ANKRD11: variants seen among roughly 807,000 people sequenced by gnomAD.
The protein encoded by ANKRD11 is ankyrin repeat domain-containing protein 11.
In ANKRD11, 17 loss-of-function variants were observed where a neutral mutation model predicts 195.7. The observed-to-expected ratio is 0.09, with a 90% confidence interval of 0.06 to 0.13. ANKRD11 has a LOEUF of 0.13. ANKRD11 is among the 10% of genes least tolerant of loss of function. The probability of loss-of-function intolerance (pLI) is 1.00; values close to 1 mark genes in which losing one functional copy is unlikely to be tolerated. For synonymous variants in ANKRD11, 1,953 were observed against 1,528.1 expected, an observed-to-expected ratio of 1.28 and a Z score of -6.49; for missense variants, 3,735 against 3,566.1, an observed-to-expected ratio of 1.05 and a Z score of -1.21.
At chr16:89,323,514 G>C (rs2037483145) in intron 2 of ANKRD11, among the ~76,000 whole-genome samples, 1 of 109,362 alleles carries the variant, frequency 9.1e-6, no homozygotes, top group African/African-American at 3.8e-5. Context: ...CAGGGCAGGG[G>C]GGCTGAGCCG....
intron 2 of ANKRD11, among the ~76,000 whole-genome samples, chr16:89,380,167 C>T (rs1353332539): frequency 3.3e-5 from 5 of 152,112 alleles, no homozygotes; most frequent in East Asian, 1.9e-4. Context: ...GGCTGGAGAG[C>T]GATGGCGTGA....
rs113110683 is a variant in ANKRD11, at chr16:89,280,888, C to T, written c.5654G>A (p.Ser1885Asn). ...VTPSPEGVFSSLQAKPSPSPR... is the reference protein window; with the variant it reads ...VTPSPEGVFSNLQAKPSPSPR... ...GGAAGGGGAAGGTTTTGCTTGTAAACTTGAGAAGACGCCCTCTGGAGACGG... is the reference window on the plus strand; with the variant it reads ...GGAAGGGGAAGGTTTTGCTTGTAAATTTGAGAAGACGCCCTCTGGAGACGG... Residue 1885 changes from serine to asparagine, a missense_variant, in exon 9 of 13, where the codon AGT becomes AAT. Transcript: ENST00000301030. 5 of 1,604,044 alleles carry T rather than the reference C, an allele frequency of 3.1e-6. No individual in the cohort carries two copies. Among genetic ancestry groups the T allele is most frequent in the African/African-American group, 2.7e-5 (2 of 74,800 alleles).
At chr16:89,270,671 A>T in intron 12 of ANKRD11, 146 bp downstream of exon 12, 1 of 817,830 alleles carries the variant, frequency 1.2e-6, no homozygotes, top group Non-Finnish European at 2.0e-6. Flanking sequence ...CATCGGCCAG[A>T]TTAAGAGAAT....
chr16:89,313,395 G>A (rs2036728979), intron 3 of ANKRD11: 3 of 1,288,164 alleles, frequency 2.3e-6, no homozygotes, highest in Non-Finnish European at 1.0e-6. Flanking sequence ...GGGATTCCGT[G>A]GTCGGCAATG....
Position 89,475,170 on chromosome 16 carries a change from T to C in ANKRD11, c.-145+15075A>G, listed in dbSNP as rs138899229. On this transcript the variant is annotated intron_variant, in intron 1 of 12. Coordinates refer to ENST00000301030, the MANE Select transcript of ANKRD11 (RefSeq NM_013275.6). ...GGGGAGCTCTTGGGTCGTCAGTGGG[T>C]TGGAGAGATGGACTAACTCACAGGT... 4.8e-3 allele frequency among the ~76,000 whole-genome samples: 735 copies of C among 152,286 alleles called. 9 individuals are homozygous for C. Among genetic ancestry groups the C allele is most frequent in the African/African-American group, 0.017 (689 of 41,544 alleles).
chr16:89,399,708 C>T (rs1376973684), intron 2 of ANKRD11, among the ~76,000 whole-genome samples: 1 of 152,158 alleles, frequency 6.6e-6, no homozygotes, highest in African/African-American at 2.4e-5. Context: ...AACAAATGGC[C>T]GCTCTTGTGG....
intron 4 of ANKRD11, among the ~76,000 whole-genome samples, chr16:89,302,453 A>G (rs1191349615): frequency 6.6e-6 from 1 of 152,036 alleles, no homozygotes; most frequent in Non-Finnish European, 1.5e-5. Flanking sequence ...GGGTTTCTTC[A>G]TGTTGGTCAG....
chr16:89,460,166 A>T (rs2152330894), intron 1 of ANKRD11, among the ~76,000 whole-genome samples: 1 of 152,032 alleles, frequency 6.6e-6, no homozygotes, highest in African/African-American at 2.4e-5. Flanking sequence ...TGAACCTGGG[A>T]GGCCGAGATT....
chr16:89,278,985 C>G (rs145990864), intron 9 of ANKRD11, 87 bp downstream of exon 9: 1 of 1,563,010 alleles, frequency 6.4e-7, no homozygotes, highest in Non-Finnish European at 8.7e-7. Flanking sequence ...ATGAGTGGGA[C>G]AAGACGGGCT....
chr16:89,430,807 G>C (rs1170531493), intron 1 of ANKRD11, among the ~76,000 whole-genome samples: 1 of 152,192 alleles, frequency 6.6e-6, no homozygotes, highest in Non-Finnish European at 1.5e-5. Flanking sequence ...TCTTTCTTAA[G>C]ACAAAAGGGA....
chr16:89,346,250 GAA>G (rs35573539), intron 2 of ANKRD11, among the ~76,000 whole-genome samples: 16 of 96,874 alleles, frequency 1.7e-4, no homozygotes, highest in Admixed American at 2.5e-4. Flanking sequence ...CCCGTCTCAG[GAA>G]AAAAAAAAAA....
At chr16:89,459,640 A>C (rs1288609896) in intron 1 of ANKRD11, among the ~76,000 whole-genome samples, 1 of 152,200 alleles carries the variant, frequency 6.6e-6, no homozygotes, top group Non-Finnish European at 1.5e-5. Context: ...TTATCAAACA[A>C]CTGATCGTGT....
chr16:89,319,034 G>A (rs1324416888), intron 2 of ANKRD11, among the ~76,000 whole-genome samples: 3 of 152,240 alleles, frequency 2.0e-5, no homozygotes, highest in Non-Finnish European at 4.4e-5. Flanking sequence ...TGGCTGTCTA[G>A]AAACTCAGTG....
chr16:89,470,760 C>A (rs147463095), intron 1 of ANKRD11, among the ~76,000 whole-genome samples: 1 of 42,394 alleles, frequency 2.4e-5, no homozygotes, highest in Admixed American at 2.5e-4. Flanking sequence ...TAGTACCAGG[C>A]GGGTGGATCA....
At chr16:89,314,565 C>CTTCCCT in intron 3 of ANKRD11, among the ~76,000 whole-genome samples, 1 of 152,282 alleles carries the variant, frequency 6.6e-6, no homozygotes, top group East Asian at 1.9e-4. Flanking sequence ...GCTACCCTGC[C>CTTCCCT]GAGACTGCCT....
intron 2 of ANKRD11, among the ~76,000 whole-genome samples, chr16:89,356,303 C>T (rs989280380): frequency 6.6e-6 from 1 of 151,472 alleles, no homozygotes; most frequent in Non-Finnish European, 1.5e-5. Flanking sequence ...TGGAGAATTC[C>T]AGAGACACGC....
chr16:89,286,831 G>A (rs1218734563), intron 7 of ANKRD11: 1 of 1,287,314 alleles, frequency 7.8e-7, no homozygotes, highest in Non-Finnish European at 1.0e-6. Context: ...GCCCAGAACA[G>A]CAATGCACTG....
At chr16:89,448,071 C>G (rs2043886765) in intron 1 of ANKRD11, among the ~76,000 whole-genome samples, 1 of 152,154 alleles carries the variant, frequency 6.6e-6, no homozygotes, top group African/African-American at 2.4e-5. Flanking sequence ...TCCCAAAGTG[C>G]TGGGATTACA....
intron 2 of ANKRD11, among the ~76,000 whole-genome samples, chr16:89,357,287 G>A (rs1051386568): frequency 1.3e-5 from 2 of 152,142 alleles, no homozygotes; most frequent in Non-Finnish European, 2.9e-5. Flanking sequence ...CACCATGAAG[G>A]AAGGGCAGTC....
Sources: allele counts gnomAD v4.1 joint callset (sites outside exome capture counted in the v4.1 genomes callset), GRCh38; gene constraint gnomAD v4.1.1; transcripts MANE v1.5; gene names NCBI Gene and HGNC (gene_info 2026-07-23, HGNC 2026-07-21).